The following FADS6 variants were observed in gnomAD, a reference collection of about 807,000 sequenced individuals.
The protein encoded by FADS6 is fatty acid desaturase 6.
FADS6 carries 28 observed loss-of-function variants against 31.7 expected under a neutral mutation model. The ratio of observed to expected loss-of-function variants is 0.88; its 90% CI spans 0.66 to 1.21. The LOEUF is 1.21. Among genes scored for constraint, FADS6 ranks in the 50% most tolerant of loss-of-function variants. FADS6 has a pLI of 0.00. For missense variants in FADS6, 494 were observed against 504.2 expected (o/e 0.98, Z 0.19); for synonymous variants, 191 against 213.1 (o/e 0.90, Z 0.90).
At chr17:74,889,794 C>G (rs2038668487) in intron 2 of FADS6, among the ~76,000 whole-genome samples, 1 of 131,378 alleles carries the variant, frequency 7.6e-6, no homozygotes, top group Non-Finnish European at 1.5e-5. Context: ...TCACTTGAAC[C>G]CTGGAGGTGA....
intron 2 of FADS6, among the ~76,000 whole-genome samples, chr17:74,886,981 C>T (rs1598560570): frequency 6.6e-6 from 1 of 151,960 alleles, no homozygotes; most frequent in East Asian, 1.9e-4. Context: ...CTGTCCTGTG[C>T]ACTGTACGAC....
chr17:74,883,788 C>A (rs2038597317), intron 2 of FADS6, among the ~76,000 whole-genome samples: 2 of 152,084 alleles, frequency 1.3e-5, no homozygotes, highest in African/African-American at 4.8e-5. Context: ...CTGCCCCAGC[C>A]TCCCGAGTAG....
At chr17:74,880,925 G>A in intron 4 of FADS6, 143 bp downstream of exon 4, 2 of 839,750 alleles carry the variant, frequency 2.4e-6, no homozygotes, top group Non-Finnish European at 3.6e-6. Flanking sequence ...CGAGGCGAGG[G>A]CACAGTGTGA....
intron 5 of FADS6, chr17:74,879,038 CTTTTTTT>C: frequency 7.0e-5 from 9 of 128,888 alleles, no homozygotes; most frequent in South Asian, 2.2e-4. Flanking sequence ...CCCTCACCAC[CTTTTTTT>C]TTTTTTTTTT....
At chr17:74,874,924 A>G (rs1164300593), downstream of FADS6, among the ~76,000 whole-genome samples, 1 of 152,158 alleles carries the variant, frequency 6.6e-6, no homozygotes, top group Non-Finnish European at 1.5e-5. Flanking sequence ...CCAGATATTT[A>G]CTATCTGGTC....
At chr17:74,880,680 T>C (rs1216578403) in intron 4 of FADS6, among the ~76,000 whole-genome samples, 1 of 152,142 alleles carries the variant, frequency 6.6e-6, no homozygotes, top group Non-Finnish European at 1.5e-5. Context: ...AAAACTCGAA[T>C]GATCCTCAGA....
At chr17:74,893,251 G>T in intron 1 of FADS6, 101 bp downstream of exon 1, 2 of 1,296,338 alleles carry the variant, frequency 1.5e-6, no homozygotes, top group Non-Finnish European at 2.0e-6. Flanking sequence ...TCCGCAGGCT[G>T]CACTCCCACG....
intron 3 of FADS6, among the ~76,000 whole-genome samples, chr17:74,882,093 G>A (rs555934767): frequency 7.2e-5 from 11 of 151,908 alleles, no homozygotes; most frequent in Admixed American, 2.0e-4. Flanking sequence ...CCACCACCAC[G>A]CCCAGCTAAT....
At position 74,882,558 on chromosome 17, in the gene FADS6, G is replaced by T. The variant is rs374233442; in HGVS notation, c.564C>A (p.Leu188=). 390 of 1,611,814 alleles carry T rather than the reference G, an allele frequency of 2.4e-4. 2 individuals are homozygous for T. The highest frequency in any genetic ancestry group is 1.8e-3 in the East Asian group (82 of 44,816). ...CAGCCACCAGTGGAGTGGCGATGGG[G>T]AGGAGGAAAGGAGCAAGGAACATGT... The part of the protein sequence containing the change: ...YVYMFLAPFL[L]PIATPLVAVE... Residue 188 remains leucine, a synonymous_variant, in exon 3 of 6, where the codon CTC becomes CTA. Coordinates refer to ENST00000612771, the MANE Select transcript of FADS6 (RefSeq NM_178128.6).
chr17:74,888,142 A>ACGCGCGCG (rs767299409), intron 2 of FADS6, among the ~76,000 whole-genome samples: 1 of 109,752 alleles, frequency 9.1e-6, no homozygotes, highest in African/African-American at 4.4e-5. Flanking sequence ...ACACACACAC[A>ACGCGCGCG]CACACACACA....
intron 4 of FADS6, among the ~76,000 whole-genome samples, chr17:74,880,649 G>A (rs757736544): frequency 6.6e-6 from 1 of 152,132 alleles, no homozygotes; most frequent in Non-Finnish European, 1.5e-5. Flanking sequence ...CAGCTGAGAA[G>A]CCTGCTTCTT....
At chr17:74,892,857 T>C (rs2038706599) in intron 1 of FADS6, among the ~76,000 whole-genome samples, 168 bp from the exon 2 acceptor site, 1 of 152,136 alleles carries the variant, frequency 6.6e-6, no homozygotes. Flanking sequence ...GAACCAGGAC[T>C]GCCCCTCCAG....
chr17:74,884,131 A>T (rs891750300), intron 2 of FADS6, among the ~76,000 whole-genome samples: 5 of 151,956 alleles, frequency 3.3e-5, no homozygotes, highest in African/African-American at 1.2e-4. Flanking sequence ...ACTGTACGGG[A>T]CCCACTCCCA....
rs922027419 is a variant in FADS6 at position 74,881,086 on chromosome 17, G to C, written c.762C>G (p.Leu254=). 6.2e-7 allele frequency: 1 copy of C among 1,613,404 alleles called. No individual in the cohort carries two copies. The highest frequency in any genetic ancestry group is 1.1e-5 in the South Asian group (1 of 90,954). The part of the protein sequence containing the change: ...LTRSLLAHPY[L]HVNIFQHIGL... ...GCCTCACCTGGAAGATGTTGACGTG[G>C]AGGTAGGGGTGGGCCAACAGGGATC... The change falls in exon 4 of 6, where the codon CTC becomes CTG. Residue 254 remains leucine, a synonymous_variant. Coordinates refer to ENST00000612771, the MANE Select transcript of FADS6 (RefSeq NM_178128.6).
At chr17:74,885,866 A>C (rs376388101) in intron 2 of FADS6, among the ~76,000 whole-genome samples, 2 of 152,142 alleles carry the variant, frequency 1.3e-5, no homozygotes, top group African/African-American at 2.4e-5. Flanking sequence ...TAAAAACTAA[A>C]TGAGGGGCCA....
At chr17:74,888,858 T>C (rs2038659301) in intron 2 of FADS6, among the ~76,000 whole-genome samples, 1 of 152,182 alleles carries the variant, frequency 6.6e-6, no homozygotes, top group Non-Finnish European at 1.5e-5. Context: ...GCCCCCAACC[T>C]TCCCGTGGCC....
chr17:74,890,022 T>G (rs1231195609), intron 2 of FADS6, among the ~76,000 whole-genome samples: 1 of 152,168 alleles, frequency 6.6e-6, no homozygotes, highest in Non-Finnish European at 1.5e-5. Context: ...CACTGTTTCA[T>G]TTTATCCACA....
intron 1 of FADS6, among the ~76,000 whole-genome samples, 180 bp from the exon 2 acceptor site, chr17:74,892,869 G>A (rs2038706776): frequency 6.6e-6 from 1 of 152,118 alleles, no homozygotes; most frequent in African/African-American, 2.4e-5. Context: ...CCCCTCCAGC[G>A]GTCCTGACTC....
At position 74,878,236 on chromosome 17, in the gene FADS6, C is replaced by G; in HGVS notation, c.*95G>C. On this transcript the variant is annotated 3_prime_UTR_variant, in exon 6 of 6. Transcript: ENST00000612771. ...CGGTGCCTCCACTCTCCAGGTCCAC[C>G]ACCAGCCACTGAGCCACACCCCCTG... The G allele has an allele frequency of 6.8e-7, 1 of 1,477,264 alleles. No individual in the cohort carries two copies. Among genetic ancestry groups the G allele is most frequent in the Non-Finnish European group, 9.0e-7 (1 of 1,114,192 alleles). 91.5% of individuals were successfully genotyped at this position (1,477,264 alleles called of 1,614,324 possible).
Sources: allele counts gnomAD v4.1 joint callset (sites outside exome capture counted in the v4.1 genomes callset), GRCh38; gene constraint gnomAD v4.1.1; transcripts MANE v1.5; gene names NCBI Gene and HGNC (gene_info 2026-07-23, HGNC 2026-07-21).